STK26: variants seen among roughly 807,000 people sequenced by gnomAD.
STK26 encodes serine/threonine kinase 26, also known as serine/threonine-protein kinase 26.
In STK26, 14 loss-of-function variants were observed where a neutral mutation model predicts 34.7. That is an observed-to-expected ratio of 0.40 (90% CI 0.27 to 0.63). STK26 has a LOEUF of 0.63. Ranked by LOEUF, STK26 falls within the 30% of genes least tolerant of loss-of-function variation. STK26 has a pLI of 0.38. For missense variants in STK26, 226 were observed against 309.1 expected, an observed-to-expected ratio of 0.73 and a Z score of 2.02; for synonymous variants, 100 against 109.8, an observed-to-expected ratio of 0.91 and a Z score of 0.56.
At chrX:132,026,143 G>C (rs1935095341) in intron 2 of STK26, among the ~76,000 whole-genome samples, 1 of 112,021 alleles carries the variant, frequency 8.9e-6, no homozygotes. Context: ...CTCCCTCTGA[G>C]GAGAGACGTG....
Position 132,023,561 on chromosome X carries a change from C to G in STK26, c.-57C>G. On this transcript the variant is annotated 5_prime_UTR_variant, in exon 2 of 12. Coordinates refer to ENST00000394334, the MANE Select transcript of STK26 (RefSeq NM_016542.4). ...CCGAACTACCCCCGGAGGGAGGAGCCAGTCCGAACCCAAGGCGCCACCGCC... is the reference window on the plus strand; with the variant it reads ...CCGAACTACCCCCGGAGGGAGGAGCGAGTCCGAACCCAAGGCGCCACCGCC... The G allele has an allele frequency of 8.6e-7, 1 of 1,159,352 alleles. No individual in the cohort carries two copies. The highest frequency in any genetic ancestry group is 1.2e-6 in the Non-Finnish European group (1 of 865,920).
At position 132,068,277 on chromosome X, in the gene STK26, T is replaced by C; in HGVS notation, c.393T>C (p.Gly131=). ...IATMLKEILK[G]LDYLHSEKKI... ...CCATGCTAAAGGAAATTTTAAAAGG[T>C]CTGGACTATCTGCATTCAGAAAAGA... is the stretch of plus-strand genomic sequence containing the variant. Residue 131 remains glycine (G), a synonymous_variant, in exon 5 of 12, where the codon GGT becomes GGC. Transcript: ENST00000394334. 2 of 1,206,372 alleles carry C rather than the reference T, an allele frequency of 1.7e-6. No homozygotes were observed. Among genetic ancestry groups the C allele is most frequent in the Non-Finnish European group, 2.2e-6 (2 of 893,377 alleles).
intron 9 of STK26, among the ~76,000 whole-genome samples, 184 bp from the exon 10 acceptor site, chrX:132,072,629 G>T (rs1927452557): frequency 8.9e-6 from 1 of 111,827 alleles, no homozygotes; most frequent in South Asian, 3.7e-4. Context: ...TGTAATCCCA[G>T]AAGTTAGAGG....
chrX:132,067,623 T>A (rs943198576), intron 4 of STK26, among the ~76,000 whole-genome samples: 2 of 111,674 alleles, frequency 1.8e-5, no homozygotes, highest in South Asian at 3.7e-4. Context: ...TGATTTAATT[T>A]TTTTTTACCA....
chrX:132,055,854 A>G (rs766468329), intron 3 of STK26, among the ~76,000 whole-genome samples: 9 of 111,871 alleles, frequency 8.0e-5, no homozygotes, highest in Non-Finnish European at 1.5e-4. Flanking sequence ...GACCAAATAA[A>G]ACTTCGGATA....
intron 2 of STK26, among the ~76,000 whole-genome samples, chrX:132,050,690 T>G (rs1016437800): frequency 8.9e-6 from 1 of 112,206 alleles, no homozygotes; most frequent in Non-Finnish European, 1.9e-5. Flanking sequence ...ATTGCAGACT[T>G]CATTTTTAAA....
intron 2 of STK26, among the ~76,000 whole-genome samples, chrX:132,050,177 T>C (rs759491666): frequency 9.0e-6 from 1 of 111,142 alleles, no homozygotes; most frequent in African/African-American, 3.3e-5. Context: ...GGCCACCAAT[T>C]CCTAATGCCC....
chrX:132,059,364 C>T (rs983734886), intron 3 of STK26, among the ~76,000 whole-genome samples: 15 of 112,180 alleles, frequency 1.3e-4, no homozygotes, highest in African/African-American at 3.9e-4. Context: ...ATTATATGTT[C>T]TTTGAAACTG....
intron 3 of STK26, among the ~76,000 whole-genome samples, chrX:132,057,196 A>C (rs1926890197): frequency 9.0e-6 from 1 of 111,533 alleles, no homozygotes; most frequent in Non-Finnish European, 1.9e-5. Flanking sequence ...TTCTTTCTCC[A>C]TGTGGCTCAA....
In STK26 at chrX:132,054,710, G is replaced by A; in HGVS notation, c.122G>A (p.Gly41Glu). 1.7e-6 allele frequency: 2 copies of A among 1,211,303 alleles called. No homozygotes were observed. Among genetic ancestry groups the A allele is most frequent in the Non-Finnish European group, 2.2e-6 (2 of 895,265 alleles). The stretch of plus-strand genomic sequence containing the variant: ...GGCTCATTTGGGGAAGTTTTCAAAG[G>A]AATTGATAACCGTACCCAGCAAGTC... ...GKGSFGEVFK[G>E]IDNRTQQVVA... The change falls in exon 3 of 12, where the codon GGA (glycine) becomes GAA (glutamate). Residue 41 changes from glycine (G) to glutamate (E), a missense_variant. This residue lies in a region of STK26 where 100 missense variants were observed against 176.7 expected (regional missense o/e 0.57). Transcript: ENST00000394334.
rs945905724 is a variant in STK26, at chrX:132,054,657, G to C, written c.69G>C (p.Leu23=). ...MQNNIADPEE[L]FTKLERIGKG... is the part of the protein sequence containing the mutation. Reference sequence around the variant, plus strand: ...ATAACATAGCTGATCCAGAAGAACTGTTCACAAAATTAGAGCGCATTGGGA... The same window carrying C: ...ATAACATAGCTGATCCAGAAGAACTCTTCACAAAATTAGAGCGCATTGGGA... The change falls in exon 3 of 12, where the codon CTG becomes CTC. Residue 23 remains leucine, a synonymous_variant. Coordinates refer to ENST00000394334, the MANE Select transcript of STK26 (RefSeq NM_016542.4). 4 of 1,211,017 alleles carry C rather than the reference G, an allele frequency of 3.3e-6. No individual in the cohort carries two copies. The highest frequency in any genetic ancestry group is 4.5e-6 in the Non-Finnish European group (4 of 894,980).
rs770738278 is a variant in STK26, at chrX:132,068,500, A to C, written c.528A>C (p.Arg176Ser). The C allele has an allele frequency of 3.3e-6, 4 of 1,209,446 alleles. No homozygotes were observed. The Admixed American group carries it at 6.6e-5, about 20-fold the overall frequency. The change falls in exon 6 of 12, where the codon AGA (arginine) becomes AGC (serine). Residue 176 changes from arginine (R) to serine (S), a missense_variant. Arg to Ser is a moderately radical substitution (Grantham distance 110, BLOSUM62 -1). Coordinates refer to ENST00000394334, the MANE Select transcript of STK26 (RefSeq NM_016542.4). ...AGCTGACAGATACACAGATTAAAAG[A>C]AATACCTTTGTGGGAACTCCATTTT... ...AGQLTDTQIK[R>S]NTFVGTPFWM... is the part of the protein sequence containing the mutation.
rs1214174466 is a variant in STK26 at position 132,040,429 on chromosome X, G to A, written c.43-14202G>A. On this transcript the variant is annotated intron_variant, in intron 2 of 11. Transcript: ENST00000394334. ...CAGATCAGAGTAAATAGGCAGATAT[G>A]TTTCTGTTTGCTTTTTAGAGATACA... Among the ~76,000 whole-genome samples, 10 of 112,222 alleles carry A rather than the reference G, an allele frequency of 8.9e-5. No individual in the cohort carries two copies. In the Admixed American group the frequency reaches 9.4e-4, roughly 11 times the overall value.
In STK26 at chrX:132,028,115, T is replaced by C. The variant is rs779014158; in HGVS notation, c.42+4456T>C. Among the ~76,000 whole-genome samples, 205 of 103,670 alleles carry C rather than the reference T, an allele frequency of 2.0e-3. 2 individuals are homozygous for C. The highest frequency in any genetic ancestry group is 6.8e-3 in the African/African-American group (193 of 28,316). 90.0% of individuals were successfully genotyped at this position (103,670 alleles called of 115,157 possible). On this transcript the variant is annotated intron_variant, in intron 2 of 11. Coordinates refer to ENST00000394334, the MANE Select transcript of STK26 (RefSeq NM_016542.4). Reference sequence around the variant, plus strand: ...CCTGGACTCAAGCAATCCATCCACATTGGCCTTCCAAAGTGCTAGGATTAC... The same window carrying C: ...CCTGGACTCAAGCAATCCATCCACACTGGCCTTCCAAAGTGCTAGGATTAC...
At chrX:132,054,922 T>A (rs774539692) in intron 3 of STK26, 61 bp downstream of exon 3, 2 of 997,384 alleles carry the variant, frequency 2.0e-6, no homozygotes, top group African/African-American at 3.9e-5. Context: ...TTTTTAATTC[T>A]ATTTTTTTGA....
At chrX:132,063,940 C>T (rs1042445493) in intron 4 of STK26, among the ~76,000 whole-genome samples, 1 of 111,602 alleles carries the variant, frequency 9.0e-6, no homozygotes, top group Non-Finnish European at 1.9e-5. Context: ...TGGTATTAGG[C>T]GGTGGGGACC....
At chrX:132,045,468 C>T (rs1253301373) in intron 2 of STK26, among the ~76,000 whole-genome samples, 1 of 111,950 alleles carries the variant, frequency 8.9e-6, no homozygotes, top group Non-Finnish European at 1.9e-5. Flanking sequence ...AGATTGAATA[C>T]ACCTCTCTCC....
intron 2 of STK26, among the ~76,000 whole-genome samples, chrX:132,035,209 C>G (rs1348064959): frequency 1.8e-5 from 2 of 111,171 alleles, no homozygotes; most frequent in Non-Finnish European, 3.8e-5. Flanking sequence ...ATGAAAACAA[C>G]AAGATTTCCA....
chrX:132,069,040 T>G (rs1393629621), intron 6 of STK26, among the ~76,000 whole-genome samples: 2 of 110,514 alleles, frequency 1.8e-5, no homozygotes, highest in Non-Finnish European at 3.8e-5. Flanking sequence ...GGCCATCTTA[T>G]GTAAATTTGC....
Sources: gnomAD v4.1 joint callset for allele counts (sites outside exome capture counted in the v4.1 genomes callset) on GRCh38, gnomAD v4.1.1 for gene constraint, gnomAD v4.1.1 regional missense constraint, MANE v1.5 for transcripts, NCBI Gene and HGNC (gene_info 2026-07-23, HGNC 2026-07-21) for gene names.